Variants in TENT2 observed in about 807,000 individuals in gnomAD.
TENT2 encodes poly(A) RNA polymerase GLD2.
TENT2 carries 44 observed loss-of-function variants against 72.2 expected under a neutral mutation model. The observed-to-expected ratio is 0.61, with a 90% CI of 0.48 to 0.78. The LOEUF (loss-of-function observed/expected upper bound fraction) is 0.78. Ranked by LOEUF, TENT2 falls within the 30% of genes least tolerant of loss-of-function variation. TENT2 has a pLI of 0.00. For synonymous variants in TENT2, 212 were observed against 192.5 expected (o/e 1.10, Z -0.84); for missense variants, 541 against 569.6 (o/e 0.95, Z 0.51).
At chr5:79,647,671 ATATTT>A (rs1313131429) in intron 8 of TENT2, among the ~76,000 whole-genome samples, 1 of 152,204 alleles carries the variant, frequency 6.6e-6, no homozygotes, top group African/African-American at 2.4e-5. Context: ...TAATATAGAA[ATATTT>A]TGTTTTTATT....
chr5:79,640,729 A>T, intron 4 of TENT2, 122 bp from the exon 5 acceptor site: 1 of 532,006 alleles, frequency 1.9e-6, no homozygotes, highest in Non-Finnish European at 3.3e-6. Flanking sequence ...GGGAAATATT[A>T]AGAAGATAAT....
At chr5:79,685,149 T>A in intron 14 of TENT2, 50 bp from the exon 15 acceptor site, 1 of 1,302,362 alleles carries the variant, frequency 7.7e-7, no homozygotes, top group Non-Finnish European at 1.1e-6. Flanking sequence ...CTCAGTCTTT[T>A]GTTCTGCATA....
At chr5:79,678,347 GAAGTGT>G (rs1395653406) in intron 12 of TENT2, among the ~76,000 whole-genome samples, 1 of 152,074 alleles carries the variant, frequency 6.6e-6, no homozygotes, top group Non-Finnish European at 1.5e-5. Flanking sequence ...AAATAGAGGA[GAAGTGT>G]AGGGTAAGTG....
chr5:79,684,848 A>G (rs1825356537), intron 14 of TENT2, among the ~76,000 whole-genome samples: 1 of 152,012 alleles, frequency 6.6e-6, no homozygotes, highest in Non-Finnish European at 1.5e-5. Context: ...AACTTGGAAA[A>G]TAAAAACTTA....
intron 4 of TENT2, among the ~76,000 whole-genome samples, chr5:79,637,637 G>A (rs1366772491): frequency 6.6e-6 from 1 of 152,012 alleles, no homozygotes; most frequent in Non-Finnish European, 1.5e-5. Context: ...ATGTTACCAA[G>A]GCTTGTCTCG....
chr5:79,644,760 ACT>A (rs957029420), intron 7 of TENT2: 11 of 164,464 alleles, frequency 6.7e-5, no homozygotes, highest in African/African-American at 2.6e-4. Context: ...CACACATAAG[ACT>A]CTGTAATTAT....
At chr5:79,664,264 A>T (rs1484277824) in intron 11 of TENT2, among the ~76,000 whole-genome samples, 2 of 152,166 alleles carry the variant, frequency 1.3e-5, no homozygotes, top group Non-Finnish European at 2.9e-5. Flanking sequence ...TAAGGAAGGG[A>T]TCCATCAATT....
chr5:79,675,446 C>A (rs1367537122), intron 12 of TENT2, among the ~76,000 whole-genome samples: 1 of 151,984 alleles, frequency 6.6e-6, no homozygotes, highest in Non-Finnish European at 1.5e-5. Context: ...AGAAGTAAGA[C>A]GAAAGTATGA....
At chr5:79,676,163 T>TACACACACAC (rs59618310) in intron 12 of TENT2, among the ~76,000 whole-genome samples, 90 of 147,442 alleles carry the variant, frequency 6.1e-4, no homozygotes, top group Admixed American at 9.5e-4. Flanking sequence ...TATATATGTA[T>TACACACACAC]ACACACACAC....
At position 79,641,092 on chromosome 5, in the gene TENT2, T is replaced by G; in HGVS notation, c.581-13T>G. 6.4e-7 allele frequency: 1 copy of G among 1,561,836 alleles called. No individual in the cohort carries two copies. The highest frequency in any genetic ancestry group is 8.6e-7 in the Non-Finnish European group (1 of 1,162,026). ...ATTTTAAATACTCTTATTACTTTCTTCTGTTTCTTTAGAAAGCAGACTTTT... is the reference window on the plus strand; with the variant it reads ...ATTTTAAATACTCTTATTACTTTCTGCTGTTTCTTTAGAAAGCAGACTTTT... On this transcript the variant is annotated splice_polypyrimidine_tract_variant and intron_variant, in intron 5 of 14. Transcript: ENST00000453514.
intron 11 of TENT2, among the ~76,000 whole-genome samples, chr5:79,664,658 CATT>C (rs1174844357): frequency 6.7e-6 from 1 of 148,952 alleles, no homozygotes; most frequent in Non-Finnish European, 1.5e-5. Context: ...GGTTATAAAA[CATT>C]GTTTTAAAGT....
chr5:79,612,956 T>C lies in TENT2; in HGVS notation c.-157T>C, dbSNP rs1756350385. The C allele has an allele frequency of 6.6e-6, 1 of 152,240 alleles. No individual in the cohort carries two copies. Among genetic ancestry groups the C allele is most frequent in the African/African-American group, 2.4e-5 (1 of 41,442 alleles). The allele number at this position is 152,240 out of a possible 1,614,324, so 9.4% of individuals were successfully genotyped here. ...ACATTTTGAAGAATCTTAGGACCGC[T>C]TACTTTGCTTACTCGTTTTCTATTC... On this transcript the variant is annotated 5_prime_UTR_variant, in exon 1 of 15. Transcript: ENST00000453514.
chr5:79,645,172 G>A lies in TENT2; in HGVS notation c.801G>A (p.Val267=). 6.2e-7 allele frequency: 1 copy of A among 1,608,236 alleles called. No individual in the cohort carries two copies. The highest frequency in any genetic ancestry group is 8.5e-7 in the Non-Finnish European group (1 of 1,177,624). Residue 267 remains valine (V), a synonymous_variant, in exon 8 of 15, where the codon GTG becomes GTA. Coordinates refer to ENST00000453514, the MANE Select transcript of TENT2 (RefSeq NM_001114394.3). ...PQLIRAKVPI[V]KFRDKVSCVE... is the part of the protein sequence containing the mutation. Reference sequence around the variant, plus strand: ...TGATTCGAGCAAAAGTGCCAATTGTGAAGTTCAGGGATAAAGTCAGGTAAA... The same window carrying A: ...TGATTCGAGCAAAAGTGCCAATTGTAAAGTTCAGGGATAAAGTCAGGTAAA...
chr5:79,656,328 A>C (rs1040222936), intron 10 of TENT2, among the ~76,000 whole-genome samples: 5 of 151,950 alleles, frequency 3.3e-5, no homozygotes, highest in African/African-American at 1.2e-4. Context: ...TTTGTATGAA[A>C]TTTTATTAAT....
intron 11 of TENT2, among the ~76,000 whole-genome samples, chr5:79,661,612 T>G (rs1802948320): frequency 6.6e-6 from 1 of 152,234 alleles, no homozygotes; most frequent in African/African-American, 2.4e-5. Flanking sequence ...TAGCATTATG[T>G]CTAAAAAATG....
At chr5:79,618,441 C>T (rs1411752864) in intron 1 of TENT2, among the ~76,000 whole-genome samples, 2 of 151,726 alleles carry the variant, frequency 1.3e-5, no homozygotes, top group African/African-American at 4.9e-5. Flanking sequence ...ACTTTGTTGT[C>T]CAGGCTAGTC....
chr5:79,651,384 A>G (rs984536159), intron 10 of TENT2, among the ~76,000 whole-genome samples: 2 of 151,874 alleles, frequency 1.3e-5, no homozygotes, highest in Admixed American at 6.6e-5. Flanking sequence ...GATTTCAAGG[A>G]AAGTAATATC....
chr5:79,681,759 TGATCACCC>T, intron 13 of TENT2: 1 of 384,310 alleles, frequency 2.6e-6, no homozygotes, highest in African/African-American at 2.1e-5. Context: ...CTTTCATTTT[TGATCACCC>T]TCTCCCTTGA....
intron 12 of TENT2, among the ~76,000 whole-genome samples, chr5:79,672,769 G>A (rs140970836): frequency 6.6e-6 from 1 of 152,314 alleles, no homozygotes; most frequent in East Asian, 1.9e-4. Context: ...ACAAAAACAT[G>A]AGAGTGCAGA....
Sources: gnomAD v4.1 joint callset for allele counts (sites outside exome capture counted in the v4.1 genomes callset) on GRCh38, gnomAD v4.1.1 for gene constraint, MANE v1.5 for transcripts, NCBI Gene and HGNC (gene_info 2026-07-23, HGNC 2026-07-21) for gene names.